The following CACNG8 variants were observed in gnomAD, a reference collection of about 807,000 sequenced individuals.
CACNG8 encodes the protein voltage-dependent calcium channel gamma-8 subunit.
CACNG8 carries 5 observed loss-of-function variants against 26.9 expected under a neutral mutation model. That is an observed-to-expected ratio of 0.19 (90% CI 0.10 to 0.39). The LOEUF (loss-of-function observed/expected upper bound fraction) is 0.39. CACNG8 is among the 10% of genes least tolerant of loss of function. The pLI is 1.00. For missense variants in CACNG8, 473 were observed against 609.4 expected, an observed-to-expected ratio of 0.78 and a Z score of 2.36; for synonymous variants, 321 against 296.7, an observed-to-expected ratio of 1.08 and a Z score of -0.84.
chr19:53,980,632 A>G (rs2069360974), intron 3 of CACNG8, among the ~76,000 whole-genome samples: 1 of 152,160 alleles, frequency 6.6e-6, no homozygotes, highest in African/African-American at 2.4e-5. Context: ...TGGAAAAGCC[A>G]AAGGGGGAGG....
rs542899464 is a variant in CACNG8, at chr19:53,969,229, C to T, written c.283+5804C>T. On this transcript the variant is annotated intron_variant, in intron 1 of 3. Transcript: ENST00000270458. ...ATGTTGACCAGGCTGATCTCAAACT[C>T]CGGCCTCAGGTGATCTGCCCGCCTT... Among the ~76,000 whole-genome samples, 146 of 152,120 alleles carry T rather than the reference C, an allele frequency of 9.6e-4. 2 individuals are homozygous for T. Among genetic ancestry groups the T allele is most frequent in the African/African-American group, 3.4e-3 (141 of 41,510 alleles).
chr19:53,973,418 G>A (rs148130878), intron 1 of CACNG8, among the ~76,000 whole-genome samples: 5,003 of 152,168 alleles, frequency 0.033, 274 homozygotes, highest in African/African-American at 0.11. Flanking sequence ...AGGTACTTGG[G>A]AGGCTGAGGC....
At position 53,988,299 on chromosome 19, in the gene CACNG8, T is replaced by C. The variant is rs1243095225; in HGVS notation, c.*5450T>C. On this transcript the variant is annotated 3_prime_UTR_variant, in exon 4 of 4. Transcript: ENST00000270458. ...GTGTGTGTGTGTGTGTGTGTGTGTG[T>C]GTGTGTAACTGACACAAAGGCCAGG... The C allele has an allele frequency of 2.0e-5, 3 of 151,932 alleles. No homozygotes were observed. The highest frequency in any genetic ancestry group is 4.4e-5 in the Non-Finnish European group (3 of 68,194). 9.4% of individuals were successfully genotyped at this position (151,932 alleles called of 1,614,324 possible).
At position 53,969,766 on chromosome 19, in the gene CACNG8, A is replaced by G. The variant is rs540008821; in HGVS notation, c.283+6341A>G. On this transcript the variant is annotated intron_variant, in intron 1 of 3. Transcript: ENST00000270458. ...GTGTCTGAGAGATGCAGTAGAATGT[A>G]ATGACTGAAACAAGCTCGGAGGCTG... Among the ~76,000 whole-genome samples the G allele has an allele frequency of 3.7e-4, 56 of 152,274 alleles. 1 individual carries two copies. Among genetic ancestry groups the G allele is most frequent in the African/African-American group, 8.2e-4 (34 of 41,548 alleles).
intron 1 of CACNG8, among the ~76,000 whole-genome samples, chr19:53,972,811 A>G (rs1186708343): frequency 6.6e-6 from 1 of 152,140 alleles, no homozygotes; most frequent in Non-Finnish European, 1.5e-5. Context: ...GTGTGTCCAG[A>G]GAGTTGGATT....
At chr19:53,980,281 C>G (rs542328424) in intron 3 of CACNG8, among the ~76,000 whole-genome samples, 28 of 151,834 alleles carry the variant, frequency 1.8e-4, no homozygotes, top group African/African-American at 6.5e-4. Context: ...CGTAAGACGC[C>G]GGGCGCTTAG....
intron 1 of CACNG8, 85 bp downstream of exon 1, chr19:53,963,510 CTGGGGCCCCCT>C: frequency 7.4e-7 from 1 of 1,343,598 alleles, no homozygotes; most frequent in South Asian, 1.6e-5. Flanking sequence ...GTCCCTGATC[CTGGGGCCCCCT>C]TGGGCACCCC....
Position 53,978,216 on chromosome 19 carries a change from G to A in CACNG8, c.354G>A (p.Ala118=), listed in dbSNP as rs1437934777. Reference sequence around the variant, plus strand: ...ACACGGACTACGACCACGACAGCGCGGAGTATCTACTCCGTACGTGGGGGT... The same window carrying A: ...ACACGGACTACGACCACGACAGCGCAGAGTATCTACTCCGTACGTGGGGGT... Residue 118 remains alanine, a synonymous_variant, in exon 2 of 4, where the codon GCG becomes GCA. Coordinates refer to ENST00000270458, the MANE Select transcript of CACNG8 (RefSeq NM_031895.6). The A allele has an allele frequency of 2.5e-6, 4 of 1,612,582 alleles. No homozygotes were observed. The Admixed American group carries it at 5.0e-5, about 20-fold the overall frequency.
intron 1 of CACNG8, among the ~76,000 whole-genome samples, chr19:53,972,620 C>T (rs1205561429): frequency 6.7e-6 from 1 of 149,922 alleles, no homozygotes; most frequent in East Asian, 2.0e-4. Context: ...CTTTGGCCTC[C>T]CAAAGTGCTG....
chr19:53,982,885 C>T lies in CACNG8; in HGVS notation c.*36C>T. On this transcript the variant is annotated 3_prime_UTR_variant, in exon 4 of 4. Coordinates refer to ENST00000270458, the MANE Select transcript of CACNG8 (RefSeq NM_031895.6). This position sits in a 1 kb window ranked among gnomAD's most constrained non-coding sequence, Gnocchi z 8.4. Reference sequence around the variant, plus strand: ...GGGGAGCCGAGGGGCGTGTCCGGGGCGCGTGCGCGGGCGCGCGTGCATCGA... The same window carrying T: ...GGGGAGCCGAGGGGCGTGTCCGGGGTGCGTGCGCGGGCGCGCGTGCATCGA... 1 of 1,224,580 alleles carries T rather than the reference C, an allele frequency of 8.2e-7. No individual in the cohort carries two copies. Among genetic ancestry groups the T allele is most frequent in the Non-Finnish European group, 1.0e-6 (1 of 980,708 alleles). The allele number at this position is 1,224,580 out of a possible 1,614,324, so 75.9% of individuals were successfully genotyped here.
chr19:53,979,727 TA>T, intron 2 of CACNG8, 139 bp from the exon 3 acceptor site: 1 of 831,728 alleles, frequency 1.2e-6, no homozygotes, highest in African/African-American at 1.8e-5. Context: ...AACAGTAAAA[TA>T]AACCAGAACA....
chr19:53,973,461 T>C (rs1419782400), intron 1 of CACNG8, among the ~76,000 whole-genome samples: 3 of 152,032 alleles, frequency 2.0e-5, no homozygotes, highest in Non-Finnish European at 4.4e-5. Context: ...AGGGGGAGTT[T>C]GCAGTGAGCC....
intron 1 of CACNG8, among the ~76,000 whole-genome samples, chr19:53,973,145 C>G (rs903111292): frequency 1.3e-5 from 2 of 152,202 alleles, no homozygotes; most frequent in African/African-American, 4.8e-5. Flanking sequence ...GTTCAGCAAT[C>G]CGGTGTGCCA....
rs1235957305 is a variant in CACNG8 at position 53,982,377 on chromosome 19, G to A, written c.806G>A (p.Arg269His). The change falls in exon 4 of 4, where the codon CGC (arginine) becomes CAC (histidine). Residue 269 changes from arginine to histidine, a missense_variant. Transcript: ENST00000270458. The surrounding 1 kb of genome is among the most constrained non-coding windows in gnomAD (Gnocchi z 8.4). ...CTCCGTCTGCCCAGTTACCGCTTCCGCTACCGCCGCCGCTCCCGCTCTAGC... is the reference window on the plus strand; with the variant it reads ...CTCCGTCTGCCCAGTTACCGCTTCCACTACCGCCGCCGCTCCCGCTCTAGC... The A allele has an allele frequency of 6.5e-7, 1 of 1,530,002 alleles. No homozygotes were observed. Among genetic ancestry groups the A allele is most frequent in the Non-Finnish European group, 8.7e-7 (1 of 1,143,998 alleles). The allele number at this position is 1,530,002 out of a possible 1,614,324, so 94.8% of individuals were successfully genotyped here.
chr19:53,978,129 C>T lies in CACNG8; in HGVS notation c.284-17C>T. The T allele has an allele frequency of 1.9e-6, 3 of 1,600,520 alleles. No homozygotes were observed. The highest frequency in any genetic ancestry group is 2.6e-6 in the Non-Finnish European group (3 of 1,170,598). ...CTGAAGTATCCGCCCCCACCACTGC[C>T]CTCCCCGCTCCTCCAGGGTTGAAAA... On this transcript the variant is annotated splice_polypyrimidine_tract_variant and intron_variant, in intron 1 of 3. Transcript: ENST00000270458.
chr19:53,970,951 A>G lies in CACNG8; in HGVS notation c.284-7195A>G, dbSNP rs572024600. ...TATCTCAAAAAAAAAAAAAAAGAAA[A>G]GAAAAGAAAAGAAAAAAAGAAATAT... On this transcript the variant is annotated intron_variant, in intron 1 of 3. Coordinates refer to ENST00000270458, the MANE Select transcript of CACNG8 (RefSeq NM_031895.6). Among the ~76,000 whole-genome samples, 4 of 150,486 alleles carry G rather than the reference A, an allele frequency of 2.7e-5. No individual in the cohort carries two copies. The East Asian group carries it at 5.9e-4, about 22-fold the overall frequency.
rs927696603 is a variant in CACNG8 at position 53,984,595 on chromosome 19, G to A, written c.*1746G>A. 1.8e-4 allele frequency: 27 copies of A among 152,390 alleles called. No individual in the cohort carries two copies. The highest frequency in any genetic ancestry group is 6.0e-4 in the African/African-American group (25 of 41,446). The allele number at this position is 152,390 out of a possible 1,614,324, so 9.4% of individuals were successfully genotyped here. ...GGGTCAGTGCTAACAGTTCTGGGAT[G>A]CTGATGTACAAGGTGGGGCTGGGAG... On this transcript the variant is annotated 3_prime_UTR_variant, in exon 4 of 4. Coordinates refer to ENST00000270458, the MANE Select transcript of CACNG8 (RefSeq NM_031895.6).
chr19:53,964,375 C>G (rs1220244112), intron 1 of CACNG8, among the ~76,000 whole-genome samples: 1 of 152,066 alleles, frequency 6.6e-6, no homozygotes, highest in Admixed American at 6.6e-5. Flanking sequence ...TGCTTCTCCT[C>G]CTGTTCATCT....
At chr19:53,979,658 G>A (rs1600035069) in intron 2 of CACNG8, among the ~76,000 whole-genome samples, 1 of 152,172 alleles carries the variant, frequency 6.6e-6, no homozygotes, top group East Asian at 1.9e-4. Context: ...AAGAAAAAGA[G>A]GGAGAGAAAA....
Sources: allele counts gnomAD v4.1 joint callset (sites outside exome capture counted in the v4.1 genomes callset), GRCh38; gene constraint gnomAD v4.1.1; non-coding constraint Gnocchi (gnomAD v3.1); transcripts MANE v1.5; gene names NCBI Gene and HGNC (gene_info 2026-07-23, HGNC 2026-07-21).